Variants in ROR1 observed in about 807,000 individuals in gnomAD.
ROR1 encodes inactive tyrosine-protein kinase transmembrane receptor ROR1.
Under a neutral mutation model 78.8 loss-of-function variants are expected in ROR1, and 19 were observed. That is an observed-to-expected ratio of 0.24 (90% CI 0.17 to 0.35). The LOEUF is 0.35. ROR1 is among the 10% of genes least tolerant of loss of function. The pLI is 1.00. For missense variants in ROR1, 917 were observed against 1,177.8 expected (o/e 0.78, Z 3.24); for synonymous variants, 386 against 433.6 (o/e 0.89, Z 1.36).
intron 1 of ROR1, among the ~76,000 whole-genome samples, chr1:63,850,860 A>G (rs1645109858): frequency 6.6e-6 from 1 of 152,170 alleles, no homozygotes; most frequent in African/African-American, 2.4e-5. Flanking sequence ...ATAGCAGGAG[A>G]TACTGGGGCC....
chr1:63,928,473 G>A (rs1345927983), intron 1 of ROR1, among the ~76,000 whole-genome samples: 2 of 152,192 alleles, frequency 1.3e-5, no homozygotes, highest in Non-Finnish European at 2.9e-5. Flanking sequence ...CTATGCAGAC[G>A]CAAGACGCTA....
intron 1 of ROR1, chr1:63,789,202 C>T (rs1283504108): frequency 1.7e-6 from 1 of 601,218 alleles, no homozygotes; most frequent in South Asian, 1.5e-5. Context: ...CAGGAGTTGG[C>T]ATTGGAGATT....
intron 1 of ROR1, among the ~76,000 whole-genome samples, chr1:63,851,066 G>A (rs1010030931): frequency 6.6e-6 from 1 of 152,134 alleles, no homozygotes; most frequent in Non-Finnish European, 1.5e-5. Flanking sequence ...TGCAACCTCC[G>A]TCTCCCGAGT....
At chr1:63,980,294 C>A (rs142612310) in intron 1 of ROR1, among the ~76,000 whole-genome samples, 209 of 152,074 alleles carry the variant, frequency 1.4e-3, no homozygotes, top group Non-Finnish European at 2.2e-3. Flanking sequence ...AGTGGGTGAT[C>A]TCTTGAGGAA....
intron 4 of ROR1, among the ~76,000 whole-genome samples, chr1:64,118,190 G>C (rs924198688): frequency 3.3e-5 from 5 of 152,212 alleles, no homozygotes; most frequent in Non-Finnish European, 7.3e-5. Flanking sequence ...GTGACAGCAT[G>C]AGACCCTGTC....
At chr1:64,076,195 C>A (rs993928221) in intron 4 of ROR1, among the ~76,000 whole-genome samples, 1 of 152,162 alleles carries the variant, frequency 6.6e-6, no homozygotes, top group Non-Finnish European at 1.5e-5. Context: ...CAAATCAAAG[C>A]CCCAACCTCT....
intron 5 of ROR1, 130 bp downstream of exon 5, chr1:64,137,626 CAT>C: frequency 1.3e-6 from 1 of 772,356 alleles, no homozygotes; most frequent in Non-Finnish European, 2.0e-6. Context: ...CATAAAAAAG[CAT>C]GAGACATGAT....
chr1:63,835,302 A>T (rs1182002095), intron 1 of ROR1, among the ~76,000 whole-genome samples: 2 of 152,194 alleles, frequency 1.3e-5, no homozygotes, highest in Non-Finnish European at 2.9e-5. Context: ...GTACAGTGCC[A>T]GACACAGAGA....
chr1:64,129,628 A>T (rs1020041295), intron 4 of ROR1, among the ~76,000 whole-genome samples: 6 of 152,234 alleles, frequency 3.9e-5, no homozygotes, highest in Admixed American at 1.3e-4. Flanking sequence ...AAGCATTCTT[A>T]GAGGTGCAAG....
intron 4 of ROR1, among the ~76,000 whole-genome samples, chr1:64,129,428 A>T (rs1648835346): frequency 6.6e-6 from 1 of 152,222 alleles, no homozygotes; most frequent in South Asian, 2.1e-4. Flanking sequence ...CATTATTCTT[A>T]ATAGGCAATT....
At position 63,860,768 on chromosome 1, in the gene ROR1, C is replaced by T. The variant is rs184489237; in HGVS notation, c.91+86260C>T. Among the ~76,000 whole-genome samples the T allele has an allele frequency of 1.1e-4, 12 of 104,610 alleles. No individual in the cohort carries two copies. The South Asian group carries it at 1.2e-3, about 11-fold the overall frequency. The allele number at this position is 104,610 out of a possible 152,430, so 68.6% of individuals were successfully genotyped here. Reference sequence around the variant, plus strand: ...TGGGCAACAGAGCAAGAGTCTGTCTCGGGGAAAAAAAAAAAAAAAAAAGAA... The same window carrying T: ...TGGGCAACAGAGCAAGAGTCTGTCTTGGGGAAAAAAAAAAAAAAAAAAGAA... On this transcript the variant is annotated intron_variant, in intron 1 of 8. Transcript: ENST00000371079.
chr1:64,050,714 C>T lies in ROR1; in HGVS notation c.480C>T (p.Tyr160=). 8.1e-6 allele frequency: 13 copies of T among 1,613,718 alleles called. No individual in the cohort carries two copies. Among genetic ancestry groups the T allele is most frequent in the Non-Finnish European group, 9.3e-6 (11 of 1,179,690 alleles). Residue 160 remains tyrosine (Y), a splice_region_variant and synonymous_variant, in exon 4 of 9, where the codon TAC becomes TAT. Coordinates refer to ENST00000371079, the MANE Select transcript of ROR1 (RefSeq NM_005012.4). ...CCCCTCCCACTGCAAGTCCAGGATA[C>T]TCGTAAGTACTTTTATCTCCTTTCT... ...FGPPPTASPG[Y]SDEYEEDGFC...
intron 1 of ROR1, among the ~76,000 whole-genome samples, chr1:63,795,648 G>C (rs917270097): frequency 2.6e-5 from 4 of 152,150 alleles, no homozygotes; most frequent in Non-Finnish European, 5.9e-5. Context: ...GGGCAGAGAG[G>C]CTTTGAATGC....
chr1:63,830,948 C>G (rs926470524), intron 1 of ROR1, among the ~76,000 whole-genome samples: 3 of 152,170 alleles, frequency 2.0e-5, no homozygotes, highest in Non-Finnish European at 2.9e-5. Flanking sequence ...GGCTGCAGGC[C>G]CTGCACCAAG....
intron 2 of ROR1, among the ~76,000 whole-genome samples, chr1:64,047,201 A>T (rs940794841): frequency 7.9e-5 from 12 of 152,242 alleles, no homozygotes; most frequent in African/African-American, 2.9e-4. Context: ...AGAGGATAAC[A>T]GGAGACAGAG....
chr1:63,945,268 A>G (rs1352874501), intron 1 of ROR1, among the ~76,000 whole-genome samples: 1 of 152,226 alleles, frequency 6.6e-6, no homozygotes, highest in African/African-American at 2.4e-5. Flanking sequence ...ATATCTCGGT[A>G]TACACATGCA....
At chr1:64,030,217 A>G (rs1646649592) in intron 2 of ROR1, among the ~76,000 whole-genome samples, 1 of 152,152 alleles carries the variant, frequency 6.6e-6, no homozygotes, top group Non-Finnish European at 1.5e-5. Flanking sequence ...GGGTGGGTGT[A>G]GGCTAGATAA....
chr1:63,951,592 G>A (rs886752612), intron 1 of ROR1, among the ~76,000 whole-genome samples: 16 of 152,206 alleles, frequency 1.1e-4, no homozygotes, highest in Admixed American at 1.0e-3. Flanking sequence ...AGGAATGTGT[G>A]TGGGAGGATT....
rs549069279 is a variant in ROR1 at position 63,797,469 on chromosome 1, A to G, written c.91+22961A>G. 7.2e-4 allele frequency among the ~76,000 whole-genome samples: 110 copies of G among 152,384 alleles called. 1 individual carries two copies. The highest frequency in any genetic ancestry group is 2.6e-3 in the African/African-American group (107 of 41,582). On this transcript the variant is annotated intron_variant, in intron 1 of 8. Coordinates refer to ENST00000371079, the MANE Select transcript of ROR1 (RefSeq NM_005012.4). ...CCTCCTCTGGGAATCACAGACTATC[A>G]GAGTCCGGAGGACTTTCAAAAGCAT...
Sources: allele counts gnomAD v4.1 joint callset (sites outside exome capture counted in the v4.1 genomes callset), GRCh38; gene constraint gnomAD v4.1.1; transcripts MANE v1.5; gene names NCBI Gene and HGNC (gene_info 2026-07-23, HGNC 2026-07-21).